Variants in OTOG observed in about 807,000 individuals in gnomAD.
The protein encoded by OTOG is otogelin.
A neutral mutation model predicts 313.8 loss-of-function variants in OTOG; 296 were observed. That is an observed-to-expected ratio of 0.94 (90% CI 0.86 to 1.04). The LOEUF (loss-of-function observed/expected upper bound fraction) is 1.04. OTOG is among the 50% of genes least tolerant of loss of function. The pLI, the probability that OTOG is intolerant of heterozygous loss-of-function variation, is 0.00. For missense variants in OTOG, 3,948 were observed against 3,840.1 expected (o/e 1.03, Z -0.74); for synonymous variants, 1,533 against 1,554.9 (o/e 0.99, Z 0.33).
At chr11:17,563,854 G>GTTTTTTTTTTTTT (rs61373849) in intron 15 of OTOG, among the ~76,000 whole-genome samples, 4 of 106,628 alleles carry the variant, frequency 3.8e-5, no homozygotes, top group African/African-American at 1.2e-4. Flanking sequence ...CTAGTTTTTG[G>GTTTTTTTTTTTTT]TTTTTTTTTT....
At chr11:17,613,195 T>TTTCC (rs1401646180) in intron 38 of OTOG, among the ~76,000 whole-genome samples, 11 of 65,368 alleles carry the variant, frequency 1.7e-4, no homozygotes, top group Admixed American at 1.2e-3. Flanking sequence ...TCTTTCTTTC[T>TTTCC]TTTCTTTCTT....
At chr11:17,555,731 A>C (rs1374368348) in intron 6 of OTOG, 48 bp from the exon 7 acceptor site, 3 of 1,451,770 alleles carry the variant, frequency 2.1e-6, no homozygotes, top group Non-Finnish European at 2.8e-6. Context: ...GCTCAGGGTC[A>C]GGCCTGTGGC....
In OTOG at chr11:17,628,111, G is replaced by T. The variant is rs563083494; in HGVS notation, c.6529-1022G>T. 1.3e-4 allele frequency among the ~76,000 whole-genome samples: 20 copies of T among 151,530 alleles called. No individual in the cohort carries two copies. In the South Asian group the frequency reaches 4.2e-3, roughly 32 times the overall value. On this transcript the variant is annotated intron_variant, in intron 39 of 55. Transcript: ENST00000399397. ...CTTTTCTTCTACTAATTTTGGATTC[G>T]ATTTGCTCTTGCTTTTTTAGTTCTT...
chr11:17,559,701 C>T (rs910200407), intron 12 of OTOG, 39 bp downstream of exon 12: 4 of 1,548,468 alleles, frequency 2.6e-6, no homozygotes, highest in African/African-American at 1.4e-5. Context: ...GCACCATCTT[C>T]CTGGCCTGGC....
chr11:17,558,623 G>T lies in OTOG; in HGVS notation c.1082G>T (p.Ser361Ile). 6.5e-7 allele frequency: 1 copy of T among 1,550,218 alleles called. No individual in the cohort carries two copies. The highest frequency in any genetic ancestry group is 1.4e-5 in the African/African-American group (1 of 73,180). ...GTCAGCCCTCTGCCCTTCACAGCCA[G>T]TTGTACCAGTGATCTCTGCCAGTGA... Reference protein sequence around the residue: ...AYVSPLPFTASCTSDLCQSMG... With the variant: ...AYVSPLPFTAICTSDLCQSMG... Residue 361 changes from serine to isoleucine, a missense_variant, in exon 10 of 56, where the codon AGT becomes ATT. Physicochemically the swap from Ser to Ile is moderately radical, Grantham distance 142 (BLOSUM62 -2). Transcript: ENST00000399397.
At chr11:17,630,724 C>T (rs1854102354) in intron 40 of OTOG, among the ~76,000 whole-genome samples, 1 of 152,290 alleles carries the variant, frequency 6.6e-6, no homozygotes, top group South Asian at 2.1e-4. Context: ...ATGGATAGTG[C>T]ATCTGAGGCG....
chr11:17,553,695 G>A (rs532297130), intron 6 of OTOG, among the ~76,000 whole-genome samples, 176 bp downstream of exon 6: 2 of 152,174 alleles, frequency 1.3e-5, no homozygotes, highest in Admixed American at 6.5e-5. Context: ...CACAGCTCTC[G>A]CTCACCCACT....
chr11:17,568,183 A>C (rs1236310540), intron 15 of OTOG, among the ~76,000 whole-genome samples: 2 of 152,198 alleles, frequency 1.3e-5, no homozygotes, highest in Non-Finnish European at 2.9e-5. Flanking sequence ...CTGAGATTAC[A>C]GGCGTGAGCC....
chr11:17,616,251 C>A (rs1270092688), intron 39 of OTOG, among the ~76,000 whole-genome samples: 1 of 152,062 alleles, frequency 6.6e-6, no homozygotes, highest in Non-Finnish European at 1.5e-5. Flanking sequence ...GAGATGGGGT[C>A]TCACTATGTT....
At position 17,610,745 on chromosome 11, in the gene OTOG, A is replaced by G. The variant is rs1263608404; in HGVS notation, c.5445A>G (p.Thr1815=). 5 of 1,549,862 alleles carry G rather than the reference A, an allele frequency of 3.2e-6. No individual in the cohort carries two copies. The African/African-American group carries it at 6.8e-5, about 21-fold the overall frequency. The change falls in exon 36 of 56, where the codon ACA becomes ACG. Residue 1815 remains threonine (T), a synonymous_variant. Coordinates refer to ENST00000399397, the MANE Select transcript of OTOG (RefSeq NM_001292063.2). ...DTSLPLAKVG[T]SAPVATPGPK... ...GCCTGCCCCTGGCCAAGGTGGGCAC[A>G]TCTGCCCCAGTGGCCACACCCGGCC... is the stretch of plus-strand genomic sequence containing the variant.
intron 15 of OTOG, among the ~76,000 whole-genome samples, chr11:17,564,233 C>G (rs769707543): frequency 3.9e-5 from 6 of 152,354 alleles, no homozygotes; most frequent in Middle Eastern, 3.4e-3. Context: ...TCTTCAGGCT[C>G]TTGTGGCCTG....
At chr11:17,632,051 A>T in intron 41 of OTOG, 37 bp from the exon 42 acceptor site, 3 of 1,545,642 alleles carry the variant, frequency 1.9e-6, no homozygotes, top group Non-Finnish European at 2.6e-6. Context: ...GATATGTGCC[A>T]TCCGAGTAAC....
chr11:17,615,986 A>G (rs1483038374), intron 39 of OTOG, among the ~76,000 whole-genome samples: 1 of 152,136 alleles, frequency 6.6e-6, no homozygotes, highest in African/African-American at 2.4e-5. Context: ...CTATTAATCT[A>G]TCCTTTCACT....
At chr11:17,645,089 A>T (rs1848046603) in intron 54 of OTOG, among the ~76,000 whole-genome samples, 1 of 152,224 alleles carries the variant, frequency 6.6e-6, no homozygotes, top group Non-Finnish European at 1.5e-5. Flanking sequence ...GAAACCAAAC[A>T]AAGCATCCCA....
At chr11:17,606,268 A>C in intron 33 of OTOG, 133 bp downstream of exon 33, 7 of 1,183,552 alleles carry the variant, frequency 5.9e-6, no homozygotes, top group Non-Finnish European at 8.0e-6. Flanking sequence ...CAGGGGCCAC[A>C]TGGGTGCCAC....
chr11:17,630,444 T>C (rs879716089), intron 40 of OTOG, among the ~76,000 whole-genome samples: 1 of 152,222 alleles, frequency 6.6e-6, no homozygotes. Context: ...ATGGGAACCA[T>C]TAATAATATA....
rs757249332 is a variant in OTOG, at chr11:17,561,719, C to T, written c.1556C>T (p.Thr519Met). The T allele has an allele frequency of 1.7e-5, 26 of 1,550,408 alleles. No homozygotes were observed. The South Asian group carries it at 2.3e-4, about 13-fold the overall frequency. Residue 519 changes from threonine (T) to methionine (M), a missense_variant, in exon 15 of 56, where the codon ACG becomes ATG. By Grantham distance (81) the Thr-to-Met change is moderately conservative. Coordinates refer to ENST00000399397, the MANE Select transcript of OTOG (RefSeq NM_001292063.2). ...HFTTFDGRRY[T>M]FPATCQYILA... Reference sequence around the variant, plus strand: ...ACAACCTTTGATGGCCGCCGGTACACGTTCCCCGCCACATGTCAGTACATC... The same window carrying T: ...ACAACCTTTGATGGCCGCCGGTACATGTTCCCCGCCACATGTCAGTACATC...
rs539308424 is a variant in OTOG at position 17,610,320 on chromosome 11, A to G, written c.5020A>G (p.Lys1674Glu). The G allele has an allele frequency of 1.9e-5, 29 of 1,550,524 alleles. No individual in the cohort carries two copies. The highest frequency in any genetic ancestry group is 1.3e-4 in the South Asian group (11 of 84,038). ...GGCTGTGCTGACACCTGCAGTAACT[A>G]AGGTCATAAGCAGGACAGGGGTCCC... ...HKAVLTPAVT[K>E]VISRTGVPQP... Residue 1674 changes from lysine to glutamate, a missense_variant, in exon 36 of 56, where the codon AAG (lysine) becomes GAG (glutamate). Physicochemically the swap from Lys to Glu is moderately conservative, Grantham distance 56. Transcript: ENST00000399397.
At chr11:17,556,752 C>A (rs1244573174) in intron 7 of OTOG, among the ~76,000 whole-genome samples, 1 of 152,178 alleles carries the variant, frequency 6.6e-6, no homozygotes, top group African/African-American at 2.4e-5. Flanking sequence ...CTGGAGCCCG[C>A]CATCTTTTCT....
Sources: allele counts gnomAD v4.1 joint callset (sites outside exome capture counted in the v4.1 genomes callset), GRCh38; gene constraint gnomAD v4.1.1; transcripts MANE v1.5; gene names NCBI Gene and HGNC (gene_info 2026-07-23, HGNC 2026-07-21).